The following UBE2L3 variants were observed in gnomAD, a reference collection of about 807,000 sequenced individuals.
The protein encoded by UBE2L3 is ubiquitin conjugating enzyme E2 L3.
A neutral mutation model predicts 17.8 loss-of-function variants in UBE2L3; 1 was observed. The observed-to-expected ratio is 0.06, with a 90% CI of 0.02 to 0.27. The LOEUF (loss-of-function observed/expected upper bound fraction) is 0.27, where lower values mean the gene tolerates loss of function less well. Among genes scored for constraint, UBE2L3 ranks in the 10% least tolerant of loss-of-function variants. The pLI is 1.00. For missense variants in UBE2L3, 40 were observed against 192.6 expected (o/e 0.21, Z 4.69); for synonymous variants, 44 against 68.5 (o/e 0.64, Z 1.76).
intron 3 of UBE2L3, among the ~76,000 whole-genome samples, chr22:21,615,461 A>G (rs920173619): frequency 2.0e-5 from 3 of 149,732 alleles, no homozygotes; most frequent in Admixed American, 6.6e-5. Flanking sequence ...AGGCTGAGGC[A>G]GGAGAATGGC....
chr22:21,593,112 G>A (rs187179503), intron 2 of UBE2L3, among the ~76,000 whole-genome samples, 156 bp downstream of exon 2: 88 of 152,256 alleles, frequency 5.8e-4, no homozygotes, highest in African/African-American at 1.8e-3. Flanking sequence ...GGTAGGGAGT[G>A]TAGCCTTGGG....
At chr22:21,615,017 T>C (rs1929689770) in intron 3 of UBE2L3, among the ~76,000 whole-genome samples, 1 of 151,816 alleles carries the variant, frequency 6.6e-6, no homozygotes, top group Non-Finnish European at 1.5e-5. Context: ...TAGCTGGGTG[T>C]GGTGGCGGGC....
chr22:21,618,346 C>T (rs143310931), intron 3 of UBE2L3, among the ~76,000 whole-genome samples: 2 of 151,790 alleles, frequency 1.3e-5, no homozygotes, highest in South Asian at 2.1e-4. Context: ...AGGTGGATCA[C>T]GAGGTCAGGA....
At chr22:21,581,078 G>A (rs1601405807) in intron 1 of UBE2L3, among the ~76,000 whole-genome samples, 1 of 133,296 alleles carries the variant, frequency 7.5e-6, no homozygotes, top group Admixed American at 8.0e-5. Flanking sequence ...TTTTTGAGAT[G>A]GAGTCTCACC....
chr22:21,580,996 G>A (rs1020304336), intron 1 of UBE2L3, among the ~76,000 whole-genome samples: 2 of 149,410 alleles, frequency 1.3e-5, no homozygotes, highest in African/African-American at 2.5e-5. Context: ...TCAAAGGATC[G>A]TCCTGCCTCA....
intron 2 of UBE2L3, among the ~76,000 whole-genome samples, chr22:21,605,377 C>G (rs576945521): frequency 1.4e-4 from 21 of 152,222 alleles, no homozygotes; most frequent in Middle Eastern, 3.4e-3. Context: ...GCCACCACGC[C>G]CAGCTAATTT....
intron 1 of UBE2L3, among the ~76,000 whole-genome samples, chr22:21,588,937 C>G (rs1161645146): frequency 6.6e-6 from 1 of 152,030 alleles, no homozygotes; most frequent in Non-Finnish European, 1.5e-5. Flanking sequence ...GTTGGGATTA[C>G]AGGCGTGAGC....
chr22:21,590,147 T>G (rs1225356412), intron 1 of UBE2L3, among the ~76,000 whole-genome samples: 1 of 152,220 alleles, frequency 6.6e-6, no homozygotes, highest in African/African-American at 2.4e-5. Context: ...GCCATATTTT[T>G]ATAATTCTTG....
chr22:21,558,535 G>A (rs1926319287), intron 1 of UBE2L3, among the ~76,000 whole-genome samples: 1 of 152,078 alleles, frequency 6.6e-6, no homozygotes, highest in Non-Finnish European at 1.5e-5. Flanking sequence ...GGAGGCTGAG[G>A]GAGGAGAATG....
chr22:21,614,878 G>A (rs1253050349), intron 3 of UBE2L3, among the ~76,000 whole-genome samples: 1 of 152,236 alleles, frequency 6.6e-6, no homozygotes, highest in Non-Finnish European at 1.5e-5. Flanking sequence ...TGTGAGCCAG[G>A]CGTGGTGGCT....
intron 1 of UBE2L3, among the ~76,000 whole-genome samples, chr22:21,571,649 G>T (rs1926970623): frequency 6.6e-6 from 1 of 152,128 alleles, no homozygotes; most frequent in African/African-American, 2.4e-5. Flanking sequence ...TGATCTGCCC[G>T]CCGAGGCCTC....
chr22:21,574,323 T>TACCTCTCTGTGCCTTAGTTACTTC (rs1927144257), intron 1 of UBE2L3, among the ~76,000 whole-genome samples: 1 of 152,204 alleles, frequency 6.6e-6, no homozygotes. Context: ...CAAGTTACTT[T>TACCTCTCTGTGCCTTAGTTACTTC]ACCTCTCTGT....
chr22:21,559,399 A>T (rs926036061), intron 1 of UBE2L3, among the ~76,000 whole-genome samples: 2 of 150,890 alleles, frequency 1.3e-5, no homozygotes, highest in Non-Finnish European at 2.9e-5. Flanking sequence ...AAAGTGATGG[A>T]TTACATGAAT....
intron 2 of UBE2L3, among the ~76,000 whole-genome samples, chr22:21,610,011 C>G (rs1271447017): frequency 6.6e-6 from 1 of 151,988 alleles, no homozygotes; most frequent in Non-Finnish European, 1.5e-5. Context: ...GGGCAACAGA[C>G]TCTGAAAAAA....
At position 21,622,059 on chromosome 22, in the gene UBE2L3, G is replaced by A. The variant is rs978704552; in HGVS notation, c.*390G>A. ...CTTGCCACTCCCACTTTCTGGCACC[G>A]AGTTTATTTTTCACTTACTTACTTC... On this transcript the variant is annotated 3_prime_UTR_variant, in exon 4 of 4. Coordinates refer to ENST00000342192, the MANE Select transcript of UBE2L3 (RefSeq NM_003347.4). The A allele has an allele frequency of 3.8e-5, 7 of 185,260 alleles. No individual in the cohort carries two copies. Among genetic ancestry groups the A allele is most frequent in the South Asian group, 2.9e-4 (3 of 10,384 alleles). The allele number at this position is 185,260 out of a possible 1,614,324, so 11.5% of individuals were successfully genotyped here. A position where few individuals can be genotyped will look rare whatever the true frequency, so the allele number is the denominator to read the frequency against.
At chr22:21,612,547 G>A (rs1253191404) in intron 3 of UBE2L3, among the ~76,000 whole-genome samples, 7 of 150,342 alleles carry the variant, frequency 4.7e-5, no homozygotes, top group South Asian at 2.1e-4. Context: ...GGATGGTCTC[G>A]ATCTCCTGAC....
At chr22:21,617,164 G>T (rs201090909) in intron 3 of UBE2L3, among the ~76,000 whole-genome samples, 1 of 142,778 alleles carries the variant, frequency 7.0e-6, no homozygotes, top group Non-Finnish European at 1.5e-5. Flanking sequence ...AAAAAAAAAA[G>T]AAAAGGAACA....
chr22:21,575,258 CAAAAAAAAAAA>C (rs999280735), intron 1 of UBE2L3, among the ~76,000 whole-genome samples: 2 of 52,738 alleles, frequency 3.8e-5, no homozygotes, highest in East Asian at 1.1e-3. Context: ...GACTCCATCT[CAAAAAAAAAAA>C]AAAAAAAAGA....
Position 21,573,125 on chromosome 22 carries a change from C to A in UBE2L3, c.27+5354C>A, listed in dbSNP as rs374761429. 6.6e-5 allele frequency among the ~76,000 whole-genome samples: 10 copies of A among 152,120 alleles called. No homozygotes were observed. In the East Asian group the frequency reaches 1.9e-3, roughly 29 times the overall value. On this transcript the variant is annotated intron_variant, in intron 1 of 3. Transcript: ENST00000342192. ...AGCGCACTCTCTGTCCCACACTACTCCTAACCAGCAGTGCATCAGAGTAGT... is the reference window on the plus strand; with the variant it reads ...AGCGCACTCTCTGTCCCACACTACTACTAACCAGCAGTGCATCAGAGTAGT...
Sources: gnomAD v4.1 joint callset for allele counts (sites outside exome capture counted in the v4.1 genomes callset) on GRCh38, gnomAD v4.1.1 for gene constraint, MANE v1.5 for transcripts, NCBI Gene and HGNC (gene_info 2026-07-23, HGNC 2026-07-21) for gene names.